Variants in DPP10 observed in about 807,000 individuals in gnomAD.
The protein encoded by DPP10 is inactive dipeptidyl peptidase 10.
In DPP10, 33 loss-of-function variants were observed where a neutral mutation model predicts 120.9. That is an observed-to-expected ratio of 0.27 (90% CI 0.21 to 0.37). DPP10 has a LOEUF of 0.37. Among genes scored for constraint, DPP10 ranks in the 10% least tolerant of loss-of-function variants. DPP10 has a pLI of 1.00. For missense variants in DPP10, 816 were observed against 942.8 expected, an observed-to-expected ratio of 0.87 and a Z score of 1.76; for synonymous variants, 337 against 326.1, an observed-to-expected ratio of 1.03 and a Z score of -0.36.
At chr2:115,126,070 A>G (rs1271374002) in intron 1 of DPP10, among the ~76,000 whole-genome samples, 1 of 152,182 alleles carries the variant, frequency 6.6e-6, no homozygotes, top group African/African-American at 2.4e-5. Flanking sequence ...TCTAGTCTAC[A>G]CCATCATTGC....
intron 7 of DPP10, among the ~76,000 whole-genome samples, chr2:115,699,806 CT>C (rs1211451596): frequency 6.6e-6 from 1 of 152,166 alleles, no homozygotes; most frequent in African/African-American, 2.4e-5. Flanking sequence ...ACAAATTCAA[CT>C]GTGTAAAAGA....
chr2:114,589,646 C>T (rs926418198), intron 1 of DPP10, among the ~76,000 whole-genome samples: 3 of 152,180 alleles, frequency 2.0e-5, no homozygotes, highest in Non-Finnish European at 4.4e-5. Context: ...ACTAACTATA[C>T]ATACCAAGAT....
At chr2:115,575,897 C>G (rs991483064) in intron 5 of DPP10, among the ~76,000 whole-genome samples, 1 of 152,174 alleles carries the variant, frequency 6.6e-6, no homozygotes. Context: ...CCTCTAGAAG[C>G]TGGGAAATAC....
At chr2:115,410,051 T>A in intron 3 of DPP10, among the ~76,000 whole-genome samples, 1 of 152,286 alleles carries the variant, frequency 6.6e-6, no homozygotes, top group African/African-American at 2.4e-5. Flanking sequence ...GTATAAGGTG[T>A]AAGGAAGGAA....
chr2:114,760,301 G>C (rs376791631), intron 1 of DPP10, among the ~76,000 whole-genome samples: 1 of 152,096 alleles, frequency 6.6e-6, no homozygotes, highest in Non-Finnish European at 1.5e-5. Flanking sequence ...GGAGAGTAGC[G>C]CACCCTCCCT....
At chr2:114,563,844 C>A (rs1317569846) in intron 1 of DPP10, among the ~76,000 whole-genome samples, 3 of 152,184 alleles carry the variant, frequency 2.0e-5, no homozygotes, top group African/African-American at 7.2e-5. Context: ...GTCTTGGTCA[C>A]CCTCACCTTT....
At chr2:115,757,114 T>C (rs1345542410) in intron 11 of DPP10, among the ~76,000 whole-genome samples, 1 of 152,100 alleles carries the variant, frequency 6.6e-6, no homozygotes, top group Non-Finnish European at 1.5e-5. Context: ...TGTATCATTC[T>C]TTCTAAGGAG....
chr2:114,567,497 G>A, intron 1 of DPP10, among the ~76,000 whole-genome samples: 1 of 152,126 alleles, frequency 6.6e-6, no homozygotes, highest in Non-Finnish European at 1.5e-5. Flanking sequence ...TGAAGATGAA[G>A]CAAGGGGCCA....
rs59623905 is a variant in DPP10, at chr2:114,891,068, A to ATT, written c.61-418160_61-418159dup. Among the ~76,000 whole-genome samples the ATT allele has an allele frequency of 9.5e-5, 14 of 147,816 alleles. No individual in the cohort carries two copies. In the East Asian group the frequency reaches 1.8e-3, roughly 19 times the overall value. On this transcript the variant is annotated intron_variant, in intron 1 of 25. Transcript: ENST00000410059. ...ATGCTACTATTTAAAATGAAAACTG[A>ATT]TTTTTTTTTTTTGGTAAAAGAGACT...
chr2:114,728,521 A>G (rs1160424195), intron 1 of DPP10, among the ~76,000 whole-genome samples: 1 of 152,170 alleles, frequency 6.6e-6, no homozygotes, highest in Non-Finnish European at 1.5e-5. Context: ...TTGGTCATTC[A>G]TAGTGTCTGT....
chr2:114,495,975 A>C (rs17048441), intron 1 of DPP10, among the ~76,000 whole-genome samples: 7,260 of 152,288 alleles, frequency 0.048, 250 homozygotes, highest in African/African-American at 0.092. Flanking sequence ...ATATTGGACA[A>C]GACTGATCCT....
chr2:115,497,263 A>T (rs752172745), intron 3 of DPP10, among the ~76,000 whole-genome samples: 1 of 151,906 alleles, frequency 6.6e-6, no homozygotes, highest in African/African-American at 2.4e-5. Flanking sequence ...CGAGGAGGGG[A>T]TGAGGTTTAG....
At chr2:115,544,276 G>A (rs2079361903) in intron 5 of DPP10, among the ~76,000 whole-genome samples, 1 of 151,958 alleles carries the variant, frequency 6.6e-6, no homozygotes, top group Non-Finnish European at 1.5e-5. Context: ...GTATGCTGTT[G>A]TTATAGTTTT....
At chr2:114,920,971 T>A (rs1231775379) in intron 1 of DPP10, among the ~76,000 whole-genome samples, 1 of 152,134 alleles carries the variant, frequency 6.6e-6, no homozygotes, top group Non-Finnish European at 1.5e-5. Flanking sequence ...ATCCTTAACA[T>A]CCATATGTGC....
Position 115,590,205 on chromosome 2 carries a change from A to G in DPP10, c.441+64233A>G, listed in dbSNP as rs2082556293. The stretch of plus-strand genomic sequence containing the variant: ...TATTATACTTTAAGTTCTAGGGTAC[A>G]TGTGCACAACGTGCAGGTTAGTTAC... On this transcript the variant is annotated intron_variant, in intron 5 of 25. Coordinates refer to ENST00000410059, the MANE Select transcript of DPP10 (RefSeq NM_020868.6). 4.1e-5 allele frequency among the ~76,000 whole-genome samples: 6 copies of G among 147,584 alleles called. No individual in the cohort carries two copies. In the South Asian group the frequency reaches 1.3e-3, roughly 31 times the overall value.
At chr2:115,579,492 T>C (rs1327268404) in intron 5 of DPP10, 3 of 152,234 alleles carry the variant, frequency 2.0e-5, no homozygotes, top group African/African-American at 7.2e-5. Context: ...AACCAAATGA[T>C]GTAGCAGAAG....
At chr2:115,515,654 CTG>C (rs2077466368) in intron 4 of DPP10, among the ~76,000 whole-genome samples, 1 of 152,000 alleles carries the variant, frequency 6.6e-6, no homozygotes, top group Non-Finnish European at 1.5e-5. Context: ...AAAGGATGTT[CTG>C]TGTTTCACAT....
At chr2:115,308,982 G>A (rs2106021759) in intron 1 of DPP10, among the ~76,000 whole-genome samples, 1 of 152,132 alleles carries the variant, frequency 6.6e-6, no homozygotes, top group Middle Eastern at 3.4e-3. Flanking sequence ...TATAGTCAAT[G>A]CATTTTTACA....
At chr2:115,270,181 T>G (rs2059638786) in intron 1 of DPP10, among the ~76,000 whole-genome samples, 1 of 151,912 alleles carries the variant, frequency 6.6e-6, no homozygotes, top group Non-Finnish European at 1.5e-5. Context: ...TTGTCTGTTC[T>G]GCCAAGATAG....
Sources: allele counts gnomAD v4.1 joint callset (sites outside exome capture counted in the v4.1 genomes callset), GRCh38; gene constraint gnomAD v4.1.1; transcripts MANE v1.5; gene names NCBI Gene and HGNC (gene_info 2026-07-23, HGNC 2026-07-21).